The following MRPS28 variants were observed in gnomAD, a reference collection of about 807,000 sequenced individuals.
The protein encoded by MRPS28 is small ribosomal subunit protein bS1m.
MRPS28 carries 7 observed loss-of-function variants against 10.8 expected under a neutral mutation model. The observed-to-expected ratio is 0.65, with a 90% CI of 0.37 to 1.22. MRPS28 has a LOEUF of 1.22. Ranked by LOEUF, MRPS28 falls within the 50% of genes most tolerant of loss-of-function variation. MRPS28 has a pLI of 0.02. For missense variants in MRPS28, 265 were observed against 232.9 expected (o/e 1.14, Z -0.90); for synonymous variants, 121 against 93.3 (o/e 1.30, Z -1.71).
At chr8:79,986,131 T>C (rs1808160707) in intron 2 of MRPS28, among the ~76,000 whole-genome samples, 1 of 152,132 alleles carries the variant, frequency 6.6e-6, no homozygotes, top group African/African-American at 2.4e-5. Context: ...TATACTCAAA[T>C]CAATAAATGT....
intron 1 of MRPS28, among the ~76,000 whole-genome samples, chr8:80,018,344 C>T (rs1211941108): frequency 1.3e-5 from 2 of 149,306 alleles, no homozygotes; most frequent in African/African-American, 2.5e-5. Context: ...GGACCTTTCT[C>T]GAAAGAAGAC....
intron 2 of MRPS28, among the ~76,000 whole-genome samples, chr8:79,988,726 A>G (rs1808269236): frequency 6.6e-6 from 1 of 152,216 alleles, no homozygotes; most frequent in Non-Finnish European, 1.5e-5. Flanking sequence ...GCCTTTTTGA[A>G]CAATTCTGTT....
intron 2 of MRPS28, among the ~76,000 whole-genome samples, chr8:79,994,460 C>A (rs1266804778): frequency 6.6e-6 from 1 of 152,130 alleles, no homozygotes; most frequent in Non-Finnish European, 1.5e-5. Context: ...CAACTCACTA[C>A]CCAGTCCATT....
At chr8:80,026,864 A>G (rs956436313) in intron 1 of MRPS28, among the ~76,000 whole-genome samples, 2 of 152,196 alleles carry the variant, frequency 1.3e-5, no homozygotes, top group Non-Finnish European at 2.9e-5. Flanking sequence ...CTCTAGTTAG[A>G]GCATATACTG....
Position 79,994,686 on chromosome 8 carries a change from G to C in MRPS28, c.395+8313C>G, listed in dbSNP as rs974209053. ...CGAAATATGCTCCACACCTCTGCCAGAATGATCTCACTGAAACACAAAGTT... is the reference window on the plus strand; with the variant it reads ...CGAAATATGCTCCACACCTCTGCCACAATGATCTCACTGAAACACAAAGTT... On this transcript the variant is annotated intron_variant, in intron 2 of 2. Coordinates refer to ENST00000276585, the MANE Select transcript of MRPS28 (RefSeq NM_014018.3). Among the ~76,000 whole-genome samples, 9 of 152,098 alleles carry C rather than the reference G, an allele frequency of 5.9e-5. 1 individual carries two copies. The highest frequency in any genetic ancestry group is 6.5e-5 in the Admixed American group (1 of 15,278).
At chr8:80,018,295 CAAAAAAAAA>C (rs55883340) in intron 1 of MRPS28, among the ~76,000 whole-genome samples, 10 of 53,078 alleles carry the variant, frequency 1.9e-4, no homozygotes, top group Non-Finnish European at 3.2e-4. Context: ...TACTCTGTCT[CAAAAAAAAA>C]AAAAAAAAAA....
intron 1 of MRPS28, among the ~76,000 whole-genome samples, chr8:80,022,941 A>C (rs866674907): frequency 1.2e-4 from 18 of 152,324 alleles, no homozygotes; most frequent in African/African-American, 4.1e-4. Flanking sequence ...ATGACCACCC[A>C]AAAACAAAAT....
At chr8:80,027,041 G>C (rs1809509973) in intron 1 of MRPS28, among the ~76,000 whole-genome samples, 1 of 151,576 alleles carries the variant, frequency 6.6e-6, no homozygotes, top group African/African-American at 2.4e-5. Context: ...TCCCCCACCA[G>C]AGCGGTACAT....
At chr8:80,002,814 A>G (rs1808694508) in intron 2 of MRPS28, among the ~76,000 whole-genome samples, 185 bp downstream of exon 2, 1 of 152,244 alleles carries the variant, frequency 6.6e-6, no homozygotes, top group African/African-American at 2.4e-5. Flanking sequence ...CTTTGAGAAG[A>G]TATGAGTCTG....
chr8:79,951,839 C>T (rs1807086831), intron 2 of MRPS28, among the ~76,000 whole-genome samples: 1 of 152,126 alleles, frequency 6.6e-6, no homozygotes, highest in Non-Finnish European at 1.5e-5. Context: ...AGTATAAAAC[C>T]TATACAGGGA....
intron 1 of MRPS28, among the ~76,000 whole-genome samples, chr8:80,008,521 C>T (rs987805755): frequency 3.3e-5 from 5 of 152,068 alleles, no homozygotes; most frequent in African/African-American, 4.8e-5. Context: ...TGCAATCTAC[C>T]CATCTGACAA....
At chr8:79,983,948 G>C (rs552196308) in intron 2 of MRPS28, among the ~76,000 whole-genome samples, 1 of 152,072 alleles carries the variant, frequency 6.6e-6, no homozygotes, top group Non-Finnish European at 1.5e-5. Flanking sequence ...TCCTCGAGAA[G>C]AGCAACTCCA....
At chr8:80,025,939 T>C (rs1475744639) in intron 1 of MRPS28, among the ~76,000 whole-genome samples, 8 of 152,206 alleles carry the variant, frequency 5.3e-5, no homozygotes, top group Admixed American at 1.3e-4. Flanking sequence ...TAGCAATACT[T>C]AGCTTATACT....
Position 79,969,844 on chromosome 8 carries a change from C to T in MRPS28, c.395+33155G>A, listed in dbSNP as rs150199110. Among the ~76,000 whole-genome samples the T allele has an allele frequency of 6.0e-3, 907 of 152,168 alleles. 6 individuals carry two copies. Among genetic ancestry groups the T allele is most frequent in the Middle Eastern group, 0.01 (3 of 294 alleles). ...AAAGTGAGCATCTTCTGTAATTTTC[C>T]GTTTTTCTTATTTTGCTTTGGAAAT... On this transcript the variant is annotated intron_variant, in intron 2 of 2. Transcript: ENST00000276585.
At chr8:79,930,304 T>C (rs1002374869) in intron 2 of MRPS28, among the ~76,000 whole-genome samples, 2 of 152,212 alleles carry the variant, frequency 1.3e-5, no homozygotes, top group South Asian at 4.1e-4. Flanking sequence ...TTCTCCTATA[T>C]GAGGACACAT....
Position 79,989,553 on chromosome 8 carries a change from C to T in MRPS28, c.395+13446G>A, listed in dbSNP as rs79646450. 5.6e-3 allele frequency among the ~76,000 whole-genome samples: 851 copies of T among 152,162 alleles called. 9 individuals are homozygous for T. Among genetic ancestry groups the T allele is most frequent in the African/African-American group, 0.02 (822 of 41,506 alleles). On this transcript the variant is annotated intron_variant, in intron 2 of 2. Coordinates refer to ENST00000276585, the MANE Select transcript of MRPS28 (RefSeq NM_014018.3). Reference sequence around the variant, plus strand: ...GCTACACTGTTTTTCTAAAAGGATCCTGTTATTTTTACATTTGCATTTCAC... The same window carrying T: ...GCTACACTGTTTTTCTAAAAGGATCTTGTTATTTTTACATTTGCATTTCAC...
intron 2 of MRPS28, among the ~76,000 whole-genome samples, chr8:79,974,574 C>CAA (rs531560573): frequency 0.046 from 6,652 of 144,542 alleles, 223 homozygotes; most frequent in African/African-American, 0.088. Context: ...AATAAAAAAA[C>CAA]AAAAAAAAAA....
chr8:79,962,497 A>C (rs1159884373), intron 2 of MRPS28, among the ~76,000 whole-genome samples: 1 of 152,190 alleles, frequency 6.6e-6, no homozygotes, highest in Non-Finnish European at 1.5e-5. Context: ...AAAGTATCAA[A>C]AAATTAGAAA....
intron 2 of MRPS28, among the ~76,000 whole-genome samples, chr8:79,994,688 AT>A (rs1381115490): frequency 6.6e-6 from 1 of 152,158 alleles, no homozygotes; most frequent in Non-Finnish European, 1.5e-5. Flanking sequence ...CTCTGCCAGA[AT>A]GATCTCACTG....
Sources: gnomAD v4.1 joint callset for allele counts (sites outside exome capture counted in the v4.1 genomes callset) on GRCh38, gnomAD v4.1.1 for gene constraint, MANE v1.5 for transcripts, NCBI Gene and HGNC (gene_info 2026-07-23, HGNC 2026-07-21) for gene names.